PRXL2B: variants seen among roughly 807,000 people sequenced by gnomAD.
PRXL2B encodes the protein peroxiredoxin like 2B, also known as prostamide/prostaglandin F synthase.
In PRXL2B, 26 loss-of-function variants were observed where a neutral mutation model predicts 24.4. That is an observed-to-expected ratio of 1.07 (90% CI 0.78 to 1.48). PRXL2B has a LOEUF of 1.48. Ranked by LOEUF, PRXL2B falls within the 40% of genes most tolerant of loss-of-function variation. PRXL2B has a pLI of 0.00. For missense variants in PRXL2B, 269 were observed against 264.8 expected (o/e 1.02, Z -0.11); for synonymous variants, 115 against 118.9 (o/e 0.97, Z 0.21).
rs763580800 is a variant in PRXL2B at position 2,589,440 on chromosome 1, CCCTGGCCT to C, written c.*16_*23del. ...CAGAGAGGTGTGAGGGAGGCGAAGG[CCCTGGCCT>C]CCGAGGATCTGGGTGGCGTCTGCTG... is the stretch of plus-strand genomic sequence containing the variant. On this transcript the variant is annotated 3_prime_UTR_variant, in exon 7 of 7. Coordinates refer to ENST00000419916, the MANE Select transcript of PRXL2B (RefSeq NM_152371.5). 2 of 1,613,654 alleles carry C rather than the reference CCCTGGCCT, an allele frequency of 1.2e-6. No individual in the cohort carries two copies. Among genetic ancestry groups the C allele is most frequent in the Non-Finnish European group, 1.7e-6 (2 of 1,179,922 alleles).
At position 2,587,712 on chromosome 1, in the gene PRXL2B, G is replaced by A. The variant is rs757137794; in HGVS notation, c.269-29G>A. ...GGTTGGGGGCTGGTTCTGCGCCTGG[G>A]GCACACACATGTGGCTTCCGCTTTC... is the stretch of plus-strand genomic sequence containing the variant. On this transcript the variant is annotated intron_variant, in intron 2 of 6. Transcript: ENST00000419916. This position sits in a 1 kb window ranked among gnomAD's most constrained non-coding sequence, Gnocchi z 6.1. The A allele has an allele frequency of 3.1e-6, 5 of 1,591,066 alleles. No homozygotes were observed. The highest frequency in any genetic ancestry group is 2.3e-5 in the East Asian group (1 of 44,016).
In PRXL2B at chr1:2,591,358, C is replaced by A. The variant is rs1644699806; in HGVS notation, c.*1931C>A. ...CATTCGCAGCCTGCGGTAGGCTCCC[C>A]CTTCCTAAACCCTTAAATGCCCTTA... On this transcript the variant is annotated 3_prime_UTR_variant, in exon 7 of 7. Transcript: ENST00000419916. The A allele has an allele frequency of 5.0e-6, 3 of 603,980 alleles. No homozygotes were observed. The South Asian group carries it at 6.0e-5, about 12-fold the overall frequency. The allele number at this position is 603,980 out of a possible 1,614,324, so 37.4% of individuals were successfully genotyped here. A position where few individuals can be genotyped will look rare whatever the true frequency, so the allele number is the denominator to read the frequency against.
chr1:2,588,312 C>G (rs1269851508), intron 3 of PRXL2B, 78 bp from the exon 4 acceptor site: 3 of 1,603,686 alleles, frequency 1.9e-6, no homozygotes, highest in Non-Finnish European at 1.7e-6. Flanking sequence ...GACCTAGGAA[C>G]TGGTCTCATG....
chr1:2,587,487 T>G lies in PRXL2B; in HGVS notation c.268+192T>G, dbSNP rs1366624845. Among the ~76,000 whole-genome samples the G allele has an allele frequency of 1.3e-5, 2 of 152,016 alleles. No homozygotes were observed. Among genetic ancestry groups the G allele is most frequent in the Non-Finnish European group, 2.9e-5 (2 of 67,968 alleles). Reference sequence around the variant, plus strand: ...GGCTGGGTGGTGCCCTGCACAGACCTGGGCCCAGCAGCAGAGTCTGGACGA... The same window carrying G: ...GGCTGGGTGGTGCCCTGCACAGACCGGGGCCCAGCAGCAGAGTCTGGACGA... On this transcript the variant is annotated intron_variant, in intron 2 of 6. Coordinates refer to ENST00000419916, the MANE Select transcript of PRXL2B (RefSeq NM_152371.5). This position sits in a 1 kb window ranked among gnomAD's most constrained non-coding sequence, Gnocchi z 6.1.
chr1:2,590,819 C>G lies in PRXL2B; in HGVS notation c.*1392C>G, dbSNP rs1267875527. ...GTACTGCACTGGACACTGCTCATCC[C>G]TGGGTGTCAGGCAGGTGGCTGCACC... On this transcript the variant is annotated 3_prime_UTR_variant, in exon 7 of 7. Transcript: ENST00000419916. The G allele has an allele frequency of 2.1e-6, 1 of 474,406 alleles. No individual in the cohort carries two copies. Among genetic ancestry groups the G allele is most frequent in the African/African-American group, 2.0e-5 (1 of 49,422 alleles). 29.4% of individuals were successfully genotyped at this position (474,406 alleles called of 1,614,324 possible).
chr1:2,589,664 G>A lies in PRXL2B; in HGVS notation c.*237G>A, dbSNP rs375596013. 133 of 597,616 alleles carry A rather than the reference G, an allele frequency of 2.2e-4. No individual in the cohort carries two copies. The highest frequency in any genetic ancestry group is 1.4e-3 in the South Asian group (68 of 48,928). 37.0% of individuals were successfully genotyped at this position (597,616 alleles called of 1,614,324 possible). A position where few individuals can be genotyped will look rare whatever the true frequency, so the allele number is the denominator to read the frequency against. On this transcript the variant is annotated 3_prime_UTR_variant, in exon 7 of 7. Coordinates refer to ENST00000419916, the MANE Select transcript of PRXL2B (RefSeq NM_152371.5). ...TTGCTCACTGTTGGGCCCTCAGGGC[G>A]GGCAGGGTGGCTGTGAGTCCCAGGT...
Position 2,588,470 on chromosome 1 carries a change from G to A in PRXL2B, c.384+17G>A, listed in dbSNP as rs1230002522. Reference sequence around the variant, plus strand: ...GCTGCCAAGGTGTGTGCGGGTCAAGGGTGTACAGGCCGGGGGGTGGTGGGA... The same window carrying A: ...GCTGCCAAGGTGTGTGCGGGTCAAGAGTGTACAGGCCGGGGGGTGGTGGGA... On this transcript the variant is annotated intron_variant, in intron 4 of 6. Transcript: ENST00000419916. 1 of 1,614,090 alleles carries A rather than the reference G, an allele frequency of 6.2e-7. No homozygotes were observed. The highest frequency in any genetic ancestry group is 2.2e-5 in the East Asian group (1 of 44,886).
chr1:2,589,169 T>C (rs989874706), intron 6 of PRXL2B, 129 bp downstream of exon 6: 3 of 1,031,102 alleles, frequency 2.9e-6, no homozygotes, highest in Non-Finnish European at 4.3e-6. Flanking sequence ...TGCCCTGGGA[T>C]ATGGATGCCA....
In PRXL2B at chr1:2,589,519, G is replaced by A. The variant is rs575971412; in HGVS notation, c.*92G>A. The A allele has an allele frequency of 5.0e-6, 8 of 1,584,980 alleles. No individual in the cohort carries two copies. Among genetic ancestry groups the A allele is most frequent in the African/African-American group, 2.7e-5 (2 of 74,340 alleles). On this transcript the variant is annotated 3_prime_UTR_variant, in exon 7 of 7. Coordinates refer to ENST00000419916, the MANE Select transcript of PRXL2B (RefSeq NM_152371.5). Reference sequence around the variant, plus strand: ...CACTTGGAAGAACTGTTCCGGAGGCGCTGGGTCGGGATGCCGAACCTCTCC... The same window carrying A: ...CACTTGGAAGAACTGTTCCGGAGGCACTGGGTCGGGATGCCGAACCTCTCC...
chr1:2,588,251 C>A, intron 3 of PRXL2B, 139 bp from the exon 4 acceptor site: 1 of 1,076,838 alleles, frequency 9.3e-7, no homozygotes, highest in South Asian at 1.4e-5. Context: ...CTGATCTGGT[C>A]GCCTGTGCCA....
chr1:2,587,611 G>A lies in PRXL2B; in HGVS notation c.269-130G>A, dbSNP rs1459305886. ...CCCGTTTTACCCCTCCCTGCCCTGC[G>A]GGGGTGGGCTGAGCACGGAGGGTGG... is the stretch of plus-strand genomic sequence containing the variant. On this transcript the variant is annotated intron_variant, in intron 2 of 6. Transcript: ENST00000419916. This position sits in a 1 kb window ranked among gnomAD's most constrained non-coding sequence, Gnocchi z 6.1. 5.4e-6 allele frequency: 6 copies of A among 1,104,852 alleles called. No homozygotes were observed. The highest frequency in any genetic ancestry group is 2.0e-5 in the Admixed American group (1 of 50,010). 68.4% of individuals were successfully genotyped at this position (1,104,852 alleles called of 1,614,324 possible). A position where few individuals can be genotyped will look rare whatever the true frequency, so the allele number is the denominator to read the frequency against.
intron 6 of PRXL2B, 54 bp from the exon 7 acceptor site, chr1:2,589,356 G>A: frequency 1.2e-6 from 2 of 1,602,730 alleles, no homozygotes; most frequent in Non-Finnish European, 1.7e-6. Context: ...GGCCCTCCAG[G>A]CATTTGTCTG....
chr1:2,588,344 C>T (rs770288238), intron 3 of PRXL2B, 46 bp from the exon 4 acceptor site: 15 of 1,613,752 alleles, frequency 9.3e-6, no homozygotes, highest in Non-Finnish European at 1.3e-5. Flanking sequence ...AGGCTCTGGA[C>T]CCAGGCTTCT....
In PRXL2B at chr1:2,591,177, A is replaced by C; in HGVS notation, c.*1750A>C. 1.1e-6 allele frequency: 1 copy of C among 884,782 alleles called. No homozygotes were observed. The highest frequency in any genetic ancestry group is 1.8e-5 in the South Asian group (1 of 54,538). The allele number at this position is 884,782 out of a possible 1,614,324, so 54.8% of individuals were successfully genotyped here. A position where few individuals can be genotyped will look rare whatever the true frequency, so the allele number is the denominator to read the frequency against. Reference sequence around the variant, plus strand: ...GTTCTCCGTGATTAAAAACCAGCCCAAAACATCAGCCTAATGGCTCATGTC... The same window carrying C: ...GTTCTCCGTGATTAAAAACCAGCCCCAAACATCAGCCTAATGGCTCATGTC... On this transcript the variant is annotated 3_prime_UTR_variant, in exon 7 of 7. Coordinates refer to ENST00000419916, the MANE Select transcript of PRXL2B (RefSeq NM_152371.5).
At chr1:2,589,296 CAG>C (rs1644617080) in intron 6 of PRXL2B, 112 bp from the exon 7 acceptor site, 2 of 1,460,420 alleles carry the variant, frequency 1.4e-6, no homozygotes, top group East Asian at 2.3e-5. Flanking sequence ...GGGTGGCGGG[CAG>C]AGAGGCGTGT....
chr1:2,588,012 G>A (rs1644570033), intron 3 of PRXL2B, among the ~76,000 whole-genome samples: 7 of 152,152 alleles, frequency 4.6e-5, no homozygotes, highest in Admixed American at 4.6e-4. Context: ...GCTTACTCTC[G>A]GTGTCCAGAC....
In PRXL2B at chr1:2,587,018, G is replaced by A; in HGVS notation, c.63+70G>A. 1.5e-6 allele frequency: 2 copies of A among 1,331,736 alleles called. No individual in the cohort carries two copies. The allele number at this position is 1,331,736 out of a possible 1,614,324, so 82.5% of individuals were successfully genotyped here. ...TTGCCCGGGCGTCCTGGCAGCGATG[G>A]GGTGGTGGGGGCCGCGGGGCCTGGG... On this transcript the variant is annotated intron_variant, in intron 1 of 6. Coordinates refer to ENST00000419916, the MANE Select transcript of PRXL2B (RefSeq NM_152371.5). The surrounding 1 kb of genome is among the most constrained non-coding windows in gnomAD (Gnocchi z 6.1).
At position 2,587,354 on chromosome 1, in the gene PRXL2B, G is replaced by C. The variant is rs969044268; in HGVS notation, c.268+59G>C. On this transcript the variant is annotated intron_variant, in intron 2 of 6. Transcript: ENST00000419916. This position sits in a 1 kb window ranked among gnomAD's most constrained non-coding sequence, Gnocchi z 6.1. ...ACCCTTCCCTAAGCTCAGGGCGTTC[G>C]GGGCCCTTTCCTGCCCAACCCCGGC... 6.6e-6 allele frequency: 10 copies of C among 1,519,980 alleles called. No homozygotes were observed. The highest frequency in any genetic ancestry group is 8.8e-6 in the Non-Finnish European group (10 of 1,134,378). 94.2% of individuals were successfully genotyped at this position (1,519,980 alleles called of 1,614,324 possible).
upstream of PRXL2B, chr1:2,586,661 G>C (rs1644521691): frequency 9.0e-7 from 1 of 1,114,074 alleles, no homozygotes; most frequent in Non-Finnish European, 1.1e-6. Context: ...GGTGCGGTCG[G>C]GGGCGTGGCC....
Sources: allele counts gnomAD v4.1 joint callset (sites outside exome capture counted in the v4.1 genomes callset), GRCh38; gene constraint gnomAD v4.1.1; non-coding constraint Gnocchi (gnomAD v3.1); transcripts MANE v1.5; gene names NCBI Gene and HGNC (gene_info 2026-07-23, HGNC 2026-07-21).